The following GABRA3 variants were observed in gnomAD, a reference collection of about 807,000 sequenced individuals.
GABRA3 encodes gamma-aminobutyric acid type A receptor subunit alpha3.
GABRA3 carries 10 observed loss-of-function variants against 30.1 expected under a neutral mutation model. The ratio of observed to expected loss-of-function variants is 0.33; its 90% confidence interval spans 0.20 to 0.56. The LOEUF (loss-of-function observed/expected upper bound fraction) is 0.56. GABRA3 is among the 20% of genes least tolerant of loss of function. The pLI, the probability that GABRA3 is intolerant of heterozygous loss-of-function variation, is 0.89. For synonymous variants in GABRA3, 151 were observed against 146.8 expected (o/e 1.03, Z -0.21); for missense variants, 233 against 392.0 (o/e 0.59, Z 3.42).
intron 1 of GABRA3, chrX:152,392,405 T>C: frequency 3.2e-6 from 1 of 311,169 alleles, no homozygotes; most frequent in South Asian, 3.1e-5. Flanking sequence ...TGCACAAAAT[T>C]ATATTCATGG....
intron 5 of GABRA3, among the ~76,000 whole-genome samples, chrX:152,252,138 C>G (rs1015815401): frequency 1.8e-5 from 2 of 110,426 alleles, no homozygotes; most frequent in Admixed American, 1.9e-4. Context: ...ATGATACCTC[C>G]CTCCCTTTCA....
At chrX:152,438,748 C>A (rs1930842257) in intron 1 of GABRA3, among the ~76,000 whole-genome samples, 1 of 111,936 alleles carries the variant, frequency 8.9e-6, no homozygotes, top group Non-Finnish European at 1.9e-5. Context: ...AAAATTTCAA[C>A]TATATGACAT....
intron 2 of GABRA3, among the ~76,000 whole-genome samples, chrX:152,357,299 A>C (rs1035644079): frequency 9.0e-6 from 1 of 111,375 alleles, no homozygotes; most frequent in Non-Finnish European, 1.9e-5. Flanking sequence ...TTATAATTTG[A>C]CTTTTTAATA....
chrX:152,423,526 T>C (rs1228417847), intron 1 of GABRA3, among the ~76,000 whole-genome samples: 1 of 111,826 alleles, frequency 8.9e-6, no homozygotes, highest in African/African-American at 3.2e-5. Flanking sequence ...TAGGCTTTTA[T>C]GCACAATGGA....
intron 1 of GABRA3, among the ~76,000 whole-genome samples, chrX:152,421,134 A>C (rs186532124): frequency 0.018 from 1,884 of 103,158 alleles, 44 homozygotes; most frequent in African/African-American, 0.062. Context: ...CACACACACA[A>C]GGCACCTATA....
chrX:152,237,556 G>A (rs1347402469), intron 5 of GABRA3, among the ~76,000 whole-genome samples: 1 of 103,766 alleles, frequency 9.6e-6, no homozygotes, highest in Admixed American at 1.1e-4. Flanking sequence ...GCTTGATGGG[G>A]ATGGCATTGA....
chrX:152,362,601 T>C (rs2124493548), intron 2 of GABRA3, among the ~76,000 whole-genome samples: 1 of 111,507 alleles, frequency 9.0e-6, no homozygotes. Context: ...GGAGGTTAGT[T>C]TGGATGGAAA....
At chrX:152,293,687 T>C (rs1248197032) in intron 3 of GABRA3, among the ~76,000 whole-genome samples, 1 of 112,004 alleles carries the variant, frequency 8.9e-6, no homozygotes, top group Non-Finnish European at 1.9e-5. Context: ...GCTGATTATA[T>C]TGCCCATTCG....
At chrX:152,212,015 G>A (rs1446839928) in intron 6 of GABRA3, among the ~76,000 whole-genome samples, 2 of 109,517 alleles carry the variant, frequency 1.8e-5, no homozygotes, top group Admixed American at 9.8e-5. Context: ...TGGGTGCAGT[G>A]GCTTATGTTG....
intron 4 of GABRA3, among the ~76,000 whole-genome samples, chrX:152,256,302 C>T (rs1207076921): frequency 1.8e-5 from 2 of 111,199 alleles, no homozygotes; most frequent in African/African-American, 6.5e-5. Context: ...AGTGCTCCCT[C>T]CTGTATGCAG....
At position 152,167,594 on chromosome X, in the gene GABRA3, G is replaced by T. The variant is rs978797422; in HGVS notation, c.*634C>A. The T allele has an allele frequency of 8.9e-6, 1 of 111,970 alleles. No individual in the cohort carries two copies. Among genetic ancestry groups the T allele is most frequent in the Non-Finnish European group, 1.9e-5 (1 of 53,327 alleles). The allele number at this position is 111,970 out of a possible 1,213,427, so 9.2% of individuals were successfully genotyped here. A position where few individuals can be genotyped will look rare whatever the true frequency, so the allele number is the denominator to read the frequency against. Reference sequence around the variant, plus strand: ...GACATGGCAGGGCACCAGCCATCTTGGTGCCAGGCTGGCAGAGCTAGTTCT... The same window carrying T: ...GACATGGCAGGGCACCAGCCATCTTTGTGCCAGGCTGGCAGAGCTAGTTCT... On this transcript the variant is annotated 3_prime_UTR_variant, in exon 10 of 10. Transcript: ENST00000370314.
intron 5 of GABRA3, among the ~76,000 whole-genome samples, chrX:152,232,045 G>C (rs1157735103): frequency 9.0e-6 from 1 of 111,517 alleles, no homozygotes; most frequent in Non-Finnish European, 1.9e-5. Flanking sequence ...ATTTTTGGAA[G>C]TGATAGTATG....
intron 2 of GABRA3, among the ~76,000 whole-genome samples, chrX:152,346,162 A>G (rs1039560545): frequency 2.7e-5 from 3 of 111,874 alleles, no homozygotes; most frequent in African/African-American, 9.8e-5. Flanking sequence ...CTTAAATTGT[A>G]CATAGTCTAC....
At chrX:152,246,742 A>G (rs141598212) in intron 5 of GABRA3, among the ~76,000 whole-genome samples, 2,752 of 110,968 alleles carry the variant, frequency 0.025, 44 homozygotes, top group Middle Eastern at 0.068. Context: ...CATCTCTTCT[A>G]TGCTCTTACT....
chrX:152,241,535 A>C (rs1301606749), intron 5 of GABRA3, among the ~76,000 whole-genome samples: 1 of 108,034 alleles, frequency 9.3e-6, no homozygotes, highest in Non-Finnish European at 1.9e-5. Flanking sequence ...GGCTCCACCC[A>C]GTTCGAGCTT....
intron 5 of GABRA3, among the ~76,000 whole-genome samples, chrX:152,233,002 T>A (rs774230599): frequency 9.0e-6 from 1 of 111,220 alleles, no homozygotes; most frequent in Non-Finnish European, 1.9e-5. Flanking sequence ...TTTTTGCATT[T>A]TAATAACAGC....
At chrX:152,392,315 A>G (rs1373386182) in intron 1 of GABRA3, 1 of 384,657 alleles carries the variant, frequency 2.6e-6, no homozygotes, top group Admixed American at 2.6e-5. Flanking sequence ...GTTCTGCAAC[A>G]GAAGCTGACA....
At chrX:152,345,741 T>C in intron 2 of GABRA3, 39 bp from the exon 3 acceptor site, 1 of 1,129,586 alleles carries the variant, frequency 8.9e-7, no homozygotes, top group South Asian at 2.2e-5. Context: ...ATAATAGTTC[T>C]TAATAGGAAA....
chrX:152,362,822 A>C (rs1176487912), intron 2 of GABRA3, among the ~76,000 whole-genome samples: 1 of 112,161 alleles, frequency 8.9e-6, no homozygotes, highest in Non-Finnish European at 1.9e-5. Context: ...TGACTTGAGC[A>C]ACTGGGTACA....
Sources: gnomAD v4.1 joint callset for allele counts (sites outside exome capture counted in the v4.1 genomes callset) on GRCh38, gnomAD v4.1.1 for gene constraint, MANE v1.5 for transcripts, NCBI Gene and HGNC (gene_info 2026-07-23, HGNC 2026-07-21) for gene names.